The following TNR variants were observed in gnomAD, a reference collection of about 807,000 sequenced individuals.
TNR encodes the protein tenascin R.
Under a neutral mutation model 150.4 loss-of-function variants are expected in TNR, and 45 were observed. That is an observed-to-expected ratio of 0.30 (90% confidence interval 0.24 to 0.38). The LOEUF (loss-of-function observed/expected upper bound fraction) is 0.38. TNR is among the 10% of genes least tolerant of loss of function. TNR has a pLI of 1.00. For synonymous variants in TNR, 687 were observed against 678.4 expected (o/e 1.01, Z -0.20); for missense variants, 1,544 against 1,759.1 (o/e 0.88, Z 2.19).
intron 1 of TNR, among the ~76,000 whole-genome samples, chr1:175,673,144 C>T (rs1167707370): frequency 6.6e-6 from 1 of 152,212 alleles, no homozygotes; most frequent in African/African-American, 2.4e-5. Flanking sequence ...CTCTGAATGC[C>T]TTGTCCCCTC....
At chr1:175,477,374 A>C (rs1657587704) in intron 2 of TNR, among the ~76,000 whole-genome samples, 4 of 152,174 alleles carry the variant, frequency 2.6e-5, no homozygotes, top group Admixed American at 2.0e-4. Context: ...ATCTTTTTGA[A>C]GAGCTTCCTT....
intron 1 of TNR, among the ~76,000 whole-genome samples, chr1:175,546,090 T>C (rs574719007): frequency 2.6e-5 from 4 of 152,128 alleles, no homozygotes; most frequent in South Asian, 4.2e-4. Flanking sequence ...GGAGTTGGAA[T>C]GTGAGAAGAA....
chr1:175,346,499 T>G (rs1650791130), intron 18 of TNR, among the ~76,000 whole-genome samples: 1 of 152,112 alleles, frequency 6.6e-6, no homozygotes, highest in East Asian at 1.9e-4. Context: ...TAAAGTCTGG[T>G]TCTTTGAAAA....
chr1:175,740,720 T>C (rs1470213563), intron 1 of TNR, among the ~76,000 whole-genome samples: 1 of 152,204 alleles, frequency 6.6e-6, no homozygotes. Context: ...CCCACTCCTC[T>C]TCTAGTGGTT....
chr1:175,690,323 T>C (rs1394555333), intron 1 of TNR, among the ~76,000 whole-genome samples: 3 of 152,176 alleles, frequency 2.0e-5, no homozygotes, highest in African/African-American at 7.2e-5. Flanking sequence ...CAACAAATGT[T>C]TACACAAGAA....
chr1:175,720,863 T>C (rs1454964028), intron 1 of TNR, among the ~76,000 whole-genome samples: 1 of 152,210 alleles, frequency 6.6e-6, no homozygotes, highest in Non-Finnish European at 1.5e-5. Context: ...ATAACCACAC[T>C]AGCGCTCTAA....
rs149898544 is a variant in TNR at position 175,597,211 on chromosome 1, G to T, written c.-164-68842C>A. ...AGAGAGATTGTCCCTGAGGTACAAG[G>T]CTCTCTCAGGGGCCAGCACAGTGGT... is the stretch of plus-strand genomic sequence containing the variant. On this transcript the variant is annotated intron_variant, in intron 1 of 22. Transcript: ENST00000367674. 2.1e-3 allele frequency among the ~76,000 whole-genome samples: 316 copies of T among 152,246 alleles called. 5 individuals are homozygous for T. The East Asian group carries it at 0.045, about 22-fold the overall frequency.
intron 8 of TNR, among the ~76,000 whole-genome samples, chr1:175,384,364 T>C (rs1004105259): frequency 1.3e-5 from 2 of 152,208 alleles, no homozygotes; most frequent in African/African-American, 4.8e-5. Flanking sequence ...TTTAGTTCAT[T>C]GTTTCAAGAT....
chr1:175,483,431 C>A (rs763164037), intron 2 of TNR, among the ~76,000 whole-genome samples: 4 of 152,132 alleles, frequency 2.6e-5, no homozygotes, highest in African/African-American at 4.8e-5. Flanking sequence ...CATGTCCCAG[C>A]AAGGGCTCCT....
chr1:175,694,980 C>T (rs1342587880), intron 1 of TNR, among the ~76,000 whole-genome samples: 8 of 152,212 alleles, frequency 5.3e-5, no homozygotes, highest in East Asian at 3.8e-4. Context: ...AAAGCTATAA[C>T]GTCCTCTTGG....
intron 2 of TNR, among the ~76,000 whole-genome samples, chr1:175,491,073 C>A (rs1658225943): frequency 6.6e-6 from 1 of 152,104 alleles, no homozygotes; most frequent in South Asian, 2.1e-4. Flanking sequence ...TTTGCAGGGA[C>A]ATAGATGGAA....
At chr1:175,458,822 A>G (rs957619348) in intron 2 of TNR, among the ~76,000 whole-genome samples, 3 of 152,188 alleles carry the variant, frequency 2.0e-5, no homozygotes, top group South Asian at 4.1e-4. Context: ...CAAAGATTAT[A>G]TTGTTACACA....
In TNR at chr1:175,592,300, G is replaced by C. The variant is rs76614326; in HGVS notation, c.-164-63931C>G. Reference sequence around the variant, plus strand: ...AACTCTCTTCTTAGGCTCCTCCAGGGGCCAGTGCACCTCTCTACTCTGATG... The same window carrying C: ...AACTCTCTTCTTAGGCTCCTCCAGGCGCCAGTGCACCTCTCTACTCTGATG... On this transcript the variant is annotated intron_variant, in intron 1 of 22. Coordinates refer to ENST00000367674, the MANE Select transcript of TNR (RefSeq NM_003285.3). Among the ~76,000 whole-genome samples, 1,285 of 152,324 alleles carry C rather than the reference G, an allele frequency of 8.4e-3. 11 individuals are homozygous for C. The highest frequency in any genetic ancestry group is 0.029 in the African/African-American group (1,194 of 41,578).
chr1:175,605,586 A>G (rs1291236737), intron 1 of TNR, among the ~76,000 whole-genome samples: 2 of 152,260 alleles, frequency 1.3e-5, no homozygotes, highest in African/African-American at 4.8e-5. Context: ...GTTAAATGCT[A>G]GGATGAAGGA....
intron 2 of TNR, among the ~76,000 whole-genome samples, chr1:175,526,707 G>A (rs1207986392): frequency 6.6e-6 from 1 of 152,218 alleles, no homozygotes; most frequent in East Asian, 1.9e-4. Flanking sequence ...CAAATGCATG[G>A]GAAATGAAGG....
At chr1:175,633,246 GGATTTTCTC>G (rs1390798513) in intron 1 of TNR, among the ~76,000 whole-genome samples, 1 of 152,066 alleles carries the variant, frequency 6.6e-6, no homozygotes, top group Admixed American at 6.6e-5. Flanking sequence ...GTGTCTTTAT[GGATTTTCTC>G]CTTAATTAGA....
At chr1:175,339,734 C>T (rs1650422592) in intron 18 of TNR, among the ~76,000 whole-genome samples, 1 of 152,188 alleles carries the variant, frequency 6.6e-6, no homozygotes, top group Non-Finnish European at 1.5e-5. Context: ...ATAAACTCAG[C>T]TTCTTGAAGG....
chr1:175,424,034 C>T (rs1654866070), intron 2 of TNR, among the ~76,000 whole-genome samples: 1 of 152,134 alleles, frequency 6.6e-6, no homozygotes, highest in South Asian at 2.1e-4. Context: ...AAAATCTATA[C>T]ATATTTATTA....
intron 2 of TNR, among the ~76,000 whole-genome samples, chr1:175,494,556 C>T (rs1296122205): frequency 3.3e-5 from 5 of 152,190 alleles, no homozygotes; most frequent in East Asian, 1.9e-4. Context: ...GACAGCTGAG[C>T]GCAGGTGGGC....
Sources: allele counts gnomAD v4.1 joint callset (sites outside exome capture counted in the v4.1 genomes callset), GRCh38; gene constraint gnomAD v4.1.1; transcripts MANE v1.5; gene names NCBI Gene and HGNC (gene_info 2026-07-23, HGNC 2026-07-21).